Variants in WDR41 observed in about 807,000 individuals in gnomAD.
The protein encoded by WDR41 is WD repeat-containing protein 41.
WDR41 carries 63 observed loss-of-function variants against 69.3 expected under a neutral mutation model. That is an observed-to-expected ratio of 0.91 (90% CI 0.74 to 1.12). WDR41 has a LOEUF of 1.12. Ranked by LOEUF, WDR41 falls within the 50% of genes most tolerant of loss-of-function variation. The pLI is 0.00. For missense variants in WDR41, 543 were observed against 534.5 expected, an observed-to-expected ratio of 1.02 and a Z score of -0.16; for synonymous variants, 185 against 192.1, an observed-to-expected ratio of 0.96 and a Z score of 0.31.
intron 1 of WDR41, among the ~76,000 whole-genome samples, chr5:77,502,803 G>A (rs1293096986): frequency 1.3e-5 from 2 of 152,132 alleles, no homozygotes; most frequent in Non-Finnish European, 2.9e-5. Context: ...ATCCCTTACA[G>A]ACAGGCAAAT....
chr5:77,489,776 T>C (rs1359991803), intron 1 of WDR41, among the ~76,000 whole-genome samples: 1 of 152,156 alleles, frequency 6.6e-6, no homozygotes, highest in Non-Finnish European at 1.5e-5. Context: ...AAAACACTTC[T>C]CCTACCACAA....
intron 1 of WDR41, among the ~76,000 whole-genome samples, chr5:77,580,730 C>T (rs1044994538): frequency 2.6e-5 from 4 of 151,910 alleles, no homozygotes; most frequent in African/African-American, 9.7e-5. Flanking sequence ...CCAAGGTGGG[C>T]AGATCACGAG....
chr5:77,568,541 T>A (rs1386419883), intron 1 of WDR41, among the ~76,000 whole-genome samples: 2 of 152,112 alleles, frequency 1.3e-5, no homozygotes, highest in South Asian at 4.2e-4. Context: ...GCAGTAACTG[T>A]AAGTTATCTA....
chr5:77,522,222 G>A (rs1414281661), intron 1 of WDR41, among the ~76,000 whole-genome samples: 3 of 152,220 alleles, frequency 2.0e-5, no homozygotes, highest in Non-Finnish European at 4.4e-5. Context: ...TGGTCCAGAA[G>A]TAAGAGCTAT....
At position 77,438,300 on chromosome 5, in the gene WDR41, AT is replaced by A; in HGVS notation, c.943del (p.Ile315LeufsTer23). On this transcript the variant is annotated frameshift_variant, in exon 10 of 13. Coordinates refer to ENST00000296679, the MANE Select transcript of WDR41 (RefSeq NM_018268.4). LOFTEE classifies it high-confidence loss of function. ...GTCATGTGCAGTTTTCTGGCAGGCA[AT>A]CACACGCTTCATTTGAAGGCTATAC... is the stretch of plus-strand genomic sequence containing the variant. ...YVYSLQMKRV[I>X]ACQKTAHDSN... The A allele has an allele frequency of 6.2e-7, 1 of 1,614,096 alleles. No individual in the cohort carries two copies. Among genetic ancestry groups the A allele is most frequent in the Non-Finnish European group, 8.5e-7 (1 of 1,179,918 alleles).
At chr5:77,464,274 C>CTTTTTTTTTTTTTTTTTT (rs71606297) in intron 3 of WDR41, among the ~76,000 whole-genome samples, 6 of 94,204 alleles carry the variant, frequency 6.4e-5, no homozygotes, top group African/African-American at 8.6e-5. Context: ...TAGGAAAAAA[C>CTTTTTTTTTTTTTTTTTT]TTTTTTTTTT....
In WDR41 at chr5:77,453,301, A is replaced by C. The variant is rs534071156; in HGVS notation, c.523+516T>G. ...CTACTCATTTAAATATTTTACTCTAAAAATAGATTTTATTTTTTAAGATCC... is the reference window on the plus strand; with the variant it reads ...CTACTCATTTAAATATTTTACTCTACAAATAGATTTTATTTTTTAAGATCC... On this transcript the variant is annotated intron_variant, in intron 6 of 12. Coordinates refer to ENST00000296679, the MANE Select transcript of WDR41 (RefSeq NM_018268.4). 2.1e-3 allele frequency among the ~76,000 whole-genome samples: 321 copies of C among 152,324 alleles called. 1 individual carries two copies. Among genetic ancestry groups the C allele is most frequent in the Non-Finnish European group, 3.2e-3 (221 of 68,024 alleles).
At chr5:77,533,276 G>A (rs1315814857) in intron 1 of WDR41, among the ~76,000 whole-genome samples, 1 of 152,164 alleles carries the variant, frequency 6.6e-6, no homozygotes. Context: ...GTAGTGTGTA[G>A]TTGGAGGCAA....
intron 6 of WDR41, chr5:77,451,981 TAA>T (rs1294070207): frequency 2.7e-5 from 4 of 147,144 alleles, no homozygotes; most frequent in African/African-American, 1.0e-4. Context: ...TCAGTATGAA[TAA>T]AAGAGTTGAT....
rs539933519 is a variant in WDR41 at position 77,474,271 on chromosome 5, A to T, written c.168-9462T>A. 5.6e-3 allele frequency among the ~76,000 whole-genome samples: 838 copies of T among 149,102 alleles called. 3 individuals carry two copies. The highest frequency in any genetic ancestry group is 9.9e-3 in the Non-Finnish European group (661 of 67,048). The stretch of plus-strand genomic sequence containing the variant: ...GGACCCAGGAAGGAGAACATCACAC[A>T]CCAGGGCCTGTTGTGGGGTGGGGGG... On this transcript the variant is annotated intron_variant, in intron 2 of 12. Coordinates refer to ENST00000296679, the MANE Select transcript of WDR41 (RefSeq NM_018268.4).
intron 1 of WDR41, among the ~76,000 whole-genome samples, chr5:77,573,064 A>G (rs769991027): frequency 3.3e-5 from 5 of 152,206 alleles, no homozygotes; most frequent in Non-Finnish European, 5.9e-5. Flanking sequence ...CCACAGAGCC[A>G]CAATTCAGAC....
At chr5:77,582,618 C>A in intron 1 of WDR41, 3 of 1,601,198 alleles carry the variant, frequency 1.9e-6, no homozygotes, top group Non-Finnish European at 1.7e-6. Flanking sequence ...CTGGCAACTT[C>A]TATGTACCTG....
chr5:77,619,724 G>T (rs11949672), intron 1 of WDR41, among the ~76,000 whole-genome samples: 2 of 151,856 alleles, frequency 1.3e-5, no homozygotes, highest in Non-Finnish European at 1.5e-5. Context: ...ACTAGAGCTA[G>T]GAAAGGAAAA....
intron 2 of WDR41, among the ~76,000 whole-genome samples, chr5:77,471,008 T>C (rs1019041896): frequency 1.2e-4 from 18 of 152,214 alleles, no homozygotes; most frequent in African/African-American, 1.9e-4. Context: ...TATTTCAATA[T>C]TGACCACATA....
intron 1 of WDR41, among the ~76,000 whole-genome samples, chr5:77,528,717 G>C (rs1802483449): frequency 6.6e-6 from 1 of 151,656 alleles, no homozygotes. Context: ...GAAATGCAAG[G>C]CTGTACTAAC....
At chr5:77,557,302 G>A (rs930803093) in intron 1 of WDR41, among the ~76,000 whole-genome samples, 4 of 152,042 alleles carry the variant, frequency 2.6e-5, no homozygotes, top group Non-Finnish European at 5.9e-5. Flanking sequence ...GAATAAATAA[G>A]TAAACCACAC....
intron 1 of WDR41, among the ~76,000 whole-genome samples, chr5:77,608,061 T>C (rs1285513086): frequency 1.3e-5 from 2 of 152,192 alleles, no homozygotes; most frequent in Non-Finnish European, 2.9e-5. Flanking sequence ...ACTCACCCAT[T>C]AAACAATAAC....
At chr5:77,613,013 G>A (rs1433571590) in intron 1 of WDR41, among the ~76,000 whole-genome samples, 1 of 149,430 alleles carries the variant, frequency 6.7e-6, no homozygotes, top group Non-Finnish European at 1.5e-5. Context: ...GACAAACAGA[G>A]AGCCAAATCA....
chr5:77,484,393 G>A (rs1801416629), intron 2 of WDR41, among the ~76,000 whole-genome samples: 2 of 152,110 alleles, frequency 1.3e-5, no homozygotes. Flanking sequence ...CACACATGGT[G>A]GATTAGGGGC....
Sources: allele counts gnomAD v4.1 joint callset (sites outside exome capture counted in the v4.1 genomes callset), GRCh38; gene constraint gnomAD v4.1.1; transcripts MANE v1.5; gene names NCBI Gene and HGNC (gene_info 2026-07-23, HGNC 2026-07-21).